SEC31A: variants seen among roughly 807,000 people sequenced by gnomAD.
SEC31A encodes protein transport protein Sec31A.
A neutral mutation model predicts 151.0 loss-of-function variants in SEC31A; 70 were observed. That is an observed-to-expected ratio of 0.46 (90% CI 0.38 to 0.57). The LOEUF is 0.57. Among genes scored for constraint, SEC31A ranks in the 20% least tolerant of loss-of-function variants. SEC31A has a pLI of 0.00. For synonymous variants in SEC31A, 475 were observed against 505.9 expected (o/e 0.94, Z 0.82); for missense variants, 1,330 against 1,471.2 (o/e 0.90, Z 1.57).
At chr4:82,826,219 CTTTT>C (rs1300340379) in intron 24 of SEC31A, among the ~76,000 whole-genome samples, 2 of 151,860 alleles carry the variant, frequency 1.3e-5, no homozygotes, top group Non-Finnish European at 2.9e-5. Context: ...GGCTTATAAT[CTTTT>C]TTATTTTTTT....
intron 22 of SEC31A, among the ~76,000 whole-genome samples, chr4:82,835,247 A>G (rs1398462465): frequency 6.6e-6 from 1 of 152,212 alleles, no homozygotes; most frequent in Non-Finnish European, 1.5e-5. Flanking sequence ...GAACATGAAT[A>G]TCTACAGAAG....
At chr4:82,863,547 T>C (rs1169038762) in intron 11 of SEC31A, among the ~76,000 whole-genome samples, 155 bp from the exon 12 acceptor site, 2 of 152,106 alleles carry the variant, frequency 1.3e-5, no homozygotes, top group Admixed American at 1.3e-4. Context: ...AATAGTGGGT[T>C]TTTTTGTTTT....
intron 22 of SEC31A, among the ~76,000 whole-genome samples, chr4:82,839,028 G>A (rs979081735): frequency 1.3e-5 from 2 of 152,002 alleles, no homozygotes; most frequent in Non-Finnish European, 2.9e-5. Flanking sequence ...CCCAGGCTGG[G>A]GTGCAGTGGC....
chr4:82,881,998 A>G, intron 1 of SEC31A, 58 bp from the exon 2 acceptor site: 1 of 1,275,260 alleles, frequency 7.8e-7, no homozygotes, highest in Non-Finnish European at 1.1e-6. Context: ...CTAACACAGA[A>G]CACAGATATT....
intron 22 of SEC31A, among the ~76,000 whole-genome samples, chr4:82,836,554 A>C (rs766232231): frequency 1.3e-5 from 2 of 152,154 alleles, no homozygotes; most frequent in Admixed American, 6.5e-5. Context: ...AAAAATTCTG[A>C]TACATGCTAC....
upstream of SEC31A, chr4:82,894,424 G>C (rs1004783047): frequency 2.0e-5 from 3 of 152,144 alleles, no homozygotes; most frequent in Non-Finnish European, 4.4e-5. Flanking sequence ...GGGTGCAATG[G>C]TTTTGGTACC....
chr4:82,867,009 AT>A (rs752900601), intron 9 of SEC31A, 49 bp from the exon 10 acceptor site: 11 of 1,584,562 alleles, frequency 6.9e-6, no homozygotes, highest in Non-Finnish European at 8.6e-6. Context: ...ACAAAGTTTC[AT>A]TTTTTTCCAG....
In SEC31A at chr4:82,845,376, T is replaced by C. The variant is rs568062615; in HGVS notation, c.2503-867A>G. 2.7e-5 allele frequency: 19 copies of C among 713,396 alleles called. 1 individual carries two copies. The highest frequency in any genetic ancestry group is 2.2e-4 in the South Asian group (8 of 35,780). The allele number at this position is 713,396 out of a possible 1,614,324, so 44.2% of individuals were successfully genotyped here. ...AGAAAAAAACCCCAAAAGGTATTAA[T>C]AGCCAGATGCAAAGCCAAAGGTAAG... is the stretch of plus-strand genomic sequence containing the variant. On this transcript the variant is annotated intron_variant, in intron 20 of 26. Transcript: ENST00000395310.
chr4:82,845,870 A>G (rs1429367363), intron 20 of SEC31A, among the ~76,000 whole-genome samples: 1 of 152,148 alleles, frequency 6.6e-6, no homozygotes, highest in Non-Finnish European at 1.5e-5. Flanking sequence ...TATTGCTGAC[A>G]AAACCAAGGC....
At chr4:82,887,037 C>A (rs1456350482) in intron 1 of SEC31A, among the ~76,000 whole-genome samples, 1 of 152,052 alleles carries the variant, frequency 6.6e-6, no homozygotes, top group East Asian at 1.9e-4. Flanking sequence ...CTAGAGTGAC[C>A]AGTTTCAGAT....
chr4:82,891,358 G>C, upstream of SEC31A: 3 of 631,990 alleles, frequency 4.7e-6, no homozygotes, highest in Non-Finnish European at 8.1e-6. Flanking sequence ...GCGCTCTGCG[G>C]TCATCGCGCC....
chr4:82,878,801 T>C lies in SEC31A; in HGVS notation c.331A>G (p.Lys111Glu). The C allele has an allele frequency of 6.2e-7, 1 of 1,614,140 alleles. No homozygotes were observed. The highest frequency in any genetic ancestry group is 8.5e-7 in the Non-Finnish European group (1 of 1,179,964). Residue 111 changes from lysine (K) to glutamate (E), a missense_variant, in exon 4 of 27, where the codon AAG becomes GAG. Coordinates refer to ENST00000395310, the MANE Select transcript of SEC31A (RefSeq NM_001077207.4). ...YDPSKIIAGD[K>E]EVVIAQNDKH... ...TCATTCTGGGCAATCACAACTTCCT[T>C]GTCTCCAGCTATAATTTTAGAAGGA... is the stretch of plus-strand genomic sequence containing the variant.
At chr4:82,851,403 C>G in intron 19 of SEC31A, 28 bp downstream of exon 19, 1 of 1,589,772 alleles carries the variant, frequency 6.3e-7, no homozygotes, top group South Asian at 1.1e-5. Flanking sequence ...CTTACTCAAA[C>G]ATTACAAAAA....
intron 13 of SEC31A, among the ~76,000 whole-genome samples, chr4:82,862,231 T>C (rs186854381): frequency 7.0e-6 from 1 of 143,032 alleles, no homozygotes; most frequent in East Asian, 2.1e-4. Context: ...CATTCTTTCC[T>C]ACCATTTTTT....
intron 1 of SEC31A, among the ~76,000 whole-genome samples, chr4:82,882,675 G>C (rs1033355864): frequency 1.3e-5 from 2 of 152,166 alleles, no homozygotes; most frequent in East Asian, 3.8e-4. Context: ...GATAAGAGCA[G>C]TTTAAAAAAT....
chr4:82,893,050 G>C (rs1276510721), upstream of SEC31A: 1 of 152,130 alleles, frequency 6.6e-6, no homozygotes, highest in Non-Finnish European at 1.5e-5. Context: ...TTCAAATTAG[G>C]ATTTGCATAG....
chr4:82,867,116 T>C (rs1455677891), intron 9 of SEC31A, 39 bp downstream of exon 9: 1 of 1,580,332 alleles, frequency 6.3e-7, no homozygotes, highest in South Asian at 1.1e-5. Context: ...CATACTTTTT[T>C]CAGGCATTAT....
intron 8 of SEC31A, among the ~76,000 whole-genome samples, chr4:82,869,645 T>C (rs1286523676): frequency 6.6e-6 from 1 of 152,114 alleles, no homozygotes; most frequent in African/African-American, 2.4e-5. Context: ...TGATATGCGG[T>C]AAAATTTATT....
chr4:82,844,596 C>T (rs1189250204), intron 20 of SEC31A, 87 bp from the exon 21 acceptor site: 3 of 1,346,054 alleles, frequency 2.2e-6, no homozygotes, highest in Non-Finnish European at 2.1e-6. Flanking sequence ...AAATGGAATT[C>T]TATGTTTATT....
Sources: allele counts gnomAD v4.1 joint callset (sites outside exome capture counted in the v4.1 genomes callset), GRCh38; gene constraint gnomAD v4.1.1; transcripts MANE v1.5; gene names NCBI Gene and HGNC (gene_info 2026-07-23, HGNC 2026-07-21).